Variants in LUM observed in about 807,000 individuals in gnomAD.
The protein encoded by LUM is KSPG lumican.
A neutral mutation model predicts 20.5 loss-of-function variants in LUM; 13 were observed. That is an observed-to-expected ratio of 0.63 (90% CI 0.41 to 1.01). LUM has a LOEUF of 1.01. Ranked by LOEUF, LUM falls within the 50% of genes least tolerant of loss-of-function variation. The probability of loss-of-function intolerance (pLI) is 0.00; values close to 1 mark genes in which losing one functional copy is unlikely to be tolerated. For synonymous variants in LUM, 173 were observed against 151.5 expected, an observed-to-expected ratio of 1.14 and a Z score of -1.04; for missense variants, 321 against 391.1, an observed-to-expected ratio of 0.82 and a Z score of 1.51.
intron 2 of LUM, among the ~76,000 whole-genome samples, chr12:91,107,908 G>C (rs1316686420): frequency 6.6e-6 from 1 of 151,990 alleles, no homozygotes; most frequent in Non-Finnish European, 1.5e-5. Flanking sequence ...TAGAGATGGG[G>C]TTTCATCATG....
intron 2 of LUM, among the ~76,000 whole-genome samples, chr12:91,106,512 G>A (rs1880034636): frequency 6.6e-6 from 1 of 151,886 alleles, no homozygotes; most frequent in Admixed American, 6.6e-5. Flanking sequence ...TACTGCTTAA[G>A]TTGAAGAATG....
rs374164456 is a variant in LUM at position 91,106,690 on chromosome 12, T to TAAAAAAAAAAAAAAAAA, written c.862+1411_862+1427dup. 9.6e-4 allele frequency among the ~76,000 whole-genome samples: 87 copies of TAAAAAAAAAAAAAAAAA among 90,592 alleles called. 2 individuals are homozygous for TAAAAAAAAAAAAAAAAA. Among genetic ancestry groups the TAAAAAAAAAAAAAAAAA allele is most frequent in the African/African-American group, 3.9e-3 (86 of 21,870 alleles). 59.4% of individuals were successfully genotyped at this position (90,592 alleles called of 152,430 possible). A position where few individuals can be genotyped will look rare whatever the true frequency, so the allele number is the denominator to read the frequency against. On this transcript the variant is annotated intron_variant, in intron 2 of 2. Coordinates refer to ENST00000266718, the MANE Select transcript of LUM (RefSeq NM_002345.4). ...AAGCTCTGTAACACTATTTTTCTTCTAAAAAAAAAAAAAAAAAAAAAGATG... is the reference window on the plus strand; with the variant it reads ...AAGCTCTGTAACACTATTTTTCTTCTAAAAAAAAAAAAAAAAAAAAAAAAAAAAAAAAAAAAAAGATG...
chr12:91,104,203 C>A lies in LUM; in HGVS notation c.979G>T (p.Glu327Ter). The A allele has an allele frequency of 6.2e-7, 1 of 1,612,790 alleles. No individual in the cohort carries two copies. Among genetic ancestry groups the A allele is most frequent in the Non-Finnish European group, 8.5e-7 (1 of 1,179,048 alleles). Reference sequence around the variant, plus strand: ...ACTTCGTTAGCAACACGTAGACATTCATACATATCCGGTGGAAGACTGGTT... The same window carrying A: ...ACTTCGTTAGCAACACGTAGACATTAATACATATCCGGTGGAAGACTGGTT... ...SETSLPPDMY[E>*]CLRVANEVTL... Residue 327 changes from glutamate to a stop codon, truncating the protein, a stop_gained, in exon 3 of 3, where the codon GAA becomes TAA. Transcript: ENST00000266718. LOFTEE classifies it high-confidence loss of function.
chr12:91,107,279 GA>G (rs1458600812), intron 2 of LUM, among the ~76,000 whole-genome samples: 19 of 97,738 alleles, frequency 1.9e-4, no homozygotes, highest in African/African-American at 9.1e-4. Flanking sequence ...AAGAAAGAAA[GA>G]AAGAAAGAGA....
chr12:91,106,507 C>T (rs974200190), intron 2 of LUM, among the ~76,000 whole-genome samples: 1 of 151,764 alleles, frequency 6.6e-6, no homozygotes, highest in African/African-American at 2.4e-5. Flanking sequence ...ATCTATACTG[C>T]TTAAGTTGAA....
chr12:91,107,287 G>GAAAGAAAGAGAAAGAA (rs1426004605), intron 2 of LUM, among the ~76,000 whole-genome samples: 3 of 61,330 alleles, frequency 4.9e-5, no homozygotes, highest in Admixed American at 1.7e-4. Flanking sequence ...AAGAAAGAAA[G>GAAAGAAAGAGAAAGAA]AGAAAGAAAG....
At position 91,104,197 on chromosome 12, in the gene LUM, G is replaced by A; in HGVS notation, c.985C>T (p.Leu329=). 1.2e-6 allele frequency: 2 copies of A among 1,612,576 alleles called. No individual in the cohort carries two copies. Among genetic ancestry groups the A allele is most frequent in the Non-Finnish European group, 1.7e-6 (2 of 1,178,924 alleles). Residue 329 remains leucine, a synonymous_variant, in exon 3 of 3, where the codon CTA becomes TTA. Transcript: ENST00000266718. ...AGAGTGACTTCGTTAGCAACACGTA[G>A]ACATTCATACATATCCGGTGGAAGA... ...TSLPPDMYEC[L]RVANEVTLN is the part of the protein sequence containing the mutation.
At chr12:91,111,105 CAT>C (rs1738471490) in intron 1 of LUM, among the ~76,000 whole-genome samples, 3 of 152,138 alleles carry the variant, frequency 2.0e-5, no homozygotes, top group African/African-American at 4.8e-5. Context: ...ACATAACAAA[CAT>C]ATTAATTTCT....
In LUM at chr12:91,108,070, T is replaced by G; in HGVS notation, c.862+48A>C. 1 of 1,604,112 alleles carries G rather than the reference T, an allele frequency of 6.2e-7. No homozygotes were observed. Among genetic ancestry groups the G allele is most frequent in the Non-Finnish European group, 8.5e-7 (1 of 1,171,476 alleles). Reference sequence around the variant, plus strand: ...ATATCTGTGTTGTGCAGCCCAGGTATTTAAACACTTGAGCACACATCAAAC... The same window carrying G: ...ATATCTGTGTTGTGCAGCCCAGGTAGTTAAACACTTGAGCACACATCAAAC... On this transcript the variant is annotated intron_variant, in intron 2 of 2. Coordinates refer to ENST00000266718, the MANE Select transcript of LUM (RefSeq NM_002345.4). This position sits in a 1 kb window ranked among gnomAD's most constrained non-coding sequence, Gnocchi z 4.2.
chr12:91,105,308 T>TCTTAC (rs1163601347), intron 2 of LUM, among the ~76,000 whole-genome samples: 2 of 152,150 alleles, frequency 1.3e-5, no homozygotes, highest in Non-Finnish European at 1.5e-5. Flanking sequence ...AACACATCTA[T>TCTTAC]CTTACCGTGT....
chr12:91,108,444 G>T lies in LUM; in HGVS notation c.536C>A (p.Ala179Asp). 2 of 1,614,106 alleles carry T rather than the reference G, an allele frequency of 1.2e-6. No individual in the cohort carries two copies. Among genetic ancestry groups the T allele is most frequent in the Non-Finnish European group, 1.7e-6 (2 of 1,180,018 alleles). ...TTCGAGTGATTTAAGACCTTTAAAA[G>T]CAGCTGAAACAGCATCCTCTTTCAG... ...NRLKEDAVSA[A>D]FKGLKSLEYL... The change falls in exon 2 of 3, where the codon GCT (alanine) becomes GAT (aspartate). Residue 179 changes from alanine (A) to aspartate (D), a missense_variant. Coordinates refer to ENST00000266718, the MANE Select transcript of LUM (RefSeq NM_002345.4). This position sits in a 1 kb window ranked among gnomAD's most constrained non-coding sequence, Gnocchi z 4.2.
intron 1 of LUM, among the ~76,000 whole-genome samples, chr12:91,110,577 T>C (rs1021654557): frequency 6.6e-6 from 1 of 152,184 alleles, no homozygotes; most frequent in Non-Finnish European, 1.5e-5. Flanking sequence ...GTAAATACTG[T>C]AAAGATTTGT....
At chr12:91,105,455 C>T (rs1184596264) in intron 2 of LUM, among the ~76,000 whole-genome samples, 1 of 152,124 alleles carries the variant, frequency 6.6e-6, no homozygotes, top group East Asian at 1.9e-4. Context: ...TCTGATTGGG[C>T]TAATGCTTAG....
intron 2 of LUM, among the ~76,000 whole-genome samples, chr12:91,105,269 T>C (rs143833238): frequency 1.8e-4 from 27 of 152,290 alleles, no homozygotes; most frequent in African/African-American, 5.8e-4. Flanking sequence ...TGGGCAACAC[T>C]GGAACACTTA....
At chr12:91,104,909 A>G (rs12231718) in intron 2 of LUM, among the ~76,000 whole-genome samples, 4,840 of 152,216 alleles carry the variant, frequency 0.032, 241 homozygotes, top group East Asian at 0.26. Context: ...GTTTTTGTTT[A>G]TTTGTTTATT....
At chr12:91,109,110 A>G (rs1033213609) in intron 1 of LUM, 110 bp from the exon 2 acceptor site, 74 of 814,954 alleles carry the variant, frequency 9.1e-5, no homozygotes, top group Non-Finnish European at 1.3e-4. Context: ...GTTATTTTAT[A>G]GCTATTTTTA....
At chr12:91,107,231 A>AGAGAAAG (rs1880066348) in intron 2 of LUM, among the ~76,000 whole-genome samples, 1 of 67,518 alleles carries the variant, frequency 1.5e-5, no homozygotes, top group African/African-American at 5.7e-5. Flanking sequence ...AAGAAGAAAG[A>AGAGAAAG]AAGAAAGGAA....
chr12:91,103,494 T>C lies in LUM; in HGVS notation c.*671A>G, dbSNP rs1329688548. ...ATCTTTTGATTTCTAATCTATTGTT[T>C]TATGTATTTTATATACAAAGTACAG... On this transcript the variant is annotated 3_prime_UTR_variant, in exon 3 of 3. Coordinates refer to ENST00000266718, the MANE Select transcript of LUM (RefSeq NM_002345.4). 1 of 152,088 alleles carries C rather than the reference T, an allele frequency of 6.6e-6. No individual in the cohort carries two copies. The highest frequency in any genetic ancestry group is 1.5e-5 in the Non-Finnish European group (1 of 67,948). The allele number at this position is 152,088 out of a possible 1,614,324, so 9.4% of individuals were successfully genotyped here.
Position 91,103,839 on chromosome 12 carries a change from G to A in LUM, c.*326C>T, listed in dbSNP as rs1879965452. Reference sequence around the variant, plus strand: ...ATATGTATTTAATCCAAGCTTTGAGGAACATTAAGATTTAAGGATTATAAA... The same window carrying A: ...ATATGTATTTAATCCAAGCTTTGAGAAACATTAAGATTTAAGGATTATAAA... On this transcript the variant is annotated 3_prime_UTR_variant, in exon 3 of 3. Coordinates refer to ENST00000266718, the MANE Select transcript of LUM (RefSeq NM_002345.4). The A allele has an allele frequency of 4.8e-6, 1 of 208,674 alleles. No homozygotes were observed. Among genetic ancestry groups the A allele is most frequent in the Non-Finnish European group, 9.7e-6 (1 of 103,440 alleles). The allele number at this position is 208,674 out of a possible 1,614,324, so 12.9% of individuals were successfully genotyped here.
Sources: gnomAD v4.1 joint callset for allele counts (sites outside exome capture counted in the v4.1 genomes callset) on GRCh38, gnomAD v4.1.1 for gene constraint, Gnocchi (gnomAD v3.1) non-coding constraint, MANE v1.5 for transcripts, NCBI Gene and HGNC (gene_info 2026-07-23, HGNC 2026-07-21) for gene names.